SOX5: variants seen among roughly 807,000 people sequenced by gnomAD.
SOX5 encodes the protein transcription factor SOX-5.
Under a neutral mutation model 92.0 loss-of-function variants are expected in SOX5, and 9 were observed. The ratio of observed to expected loss-of-function variants is 0.10; its 90% CI spans 0.06 to 0.17. SOX5 has a LOEUF of 0.17. Among genes scored for constraint, SOX5 ranks in the 10% least tolerant of loss-of-function variants. The pLI is 1.00. For missense variants in SOX5, 642 were observed against 944.5 expected (o/e 0.68, Z 4.20); for synonymous variants, 344 against 336.3 (o/e 1.02, Z -0.25).
At chr12:24,181,421 A>G (rs1413060303) in intron 4 of SOX5, among the ~76,000 whole-genome samples, 1 of 152,196 alleles carries the variant, frequency 6.6e-6, no homozygotes, top group Admixed American at 6.5e-5. Context: ...TGAATGACTG[A>G]ATGGTAAAAC....
At chr12:24,277,758 T>C (rs1447458659) in intron 2 of SOX5, among the ~76,000 whole-genome samples, 1 of 151,978 alleles carries the variant, frequency 6.6e-6, no homozygotes, top group East Asian at 1.9e-4. Flanking sequence ...TAAGGTAGAT[T>C]CTTGCTGCTC....
intron 4 of SOX5, among the ~76,000 whole-genome samples, chr12:24,159,142 G>A (rs1952498046): frequency 6.6e-6 from 1 of 151,520 alleles, no homozygotes; most frequent in Non-Finnish European, 1.5e-5. Flanking sequence ...CTAATTCCCT[G>A]ACTTCTTGAC....
At chr12:23,754,055 A>C (rs989520488) in intron 4 of SOX5, among the ~76,000 whole-genome samples, 1 of 151,848 alleles carries the variant, frequency 6.6e-6, no homozygotes, top group African/African-American at 2.4e-5. Context: ...GAAGCTTAAA[A>C]AACTCAAAAT....
chr12:24,218,536 A>C (rs1264383921), intron 3 of SOX5, among the ~76,000 whole-genome samples: 1 of 152,142 alleles, frequency 6.6e-6, no homozygotes, highest in Non-Finnish European at 1.5e-5. Context: ...GTCAGATGGA[A>C]ATATTTTAAA....
At chr12:23,904,251 T>C (rs2097267118) in intron 1 of SOX5, among the ~76,000 whole-genome samples, 1 of 152,138 alleles carries the variant, frequency 6.6e-6, no homozygotes, top group Non-Finnish European at 1.5e-5. Context: ...TCTTCTCTTT[T>C]CTCTAAATCC....
intron 8 of SOX5, among the ~76,000 whole-genome samples, chr12:23,612,621 A>C (rs1226613819): frequency 6.6e-6 from 1 of 152,164 alleles, no homozygotes; most frequent in Non-Finnish European, 1.5e-5. Flanking sequence ...ACATATATGC[A>C]ATGTGTTAAA....
At chr12:23,569,083 T>TG (rs1947676529) in intron 10 of SOX5, among the ~76,000 whole-genome samples, 1 of 151,988 alleles carries the variant, frequency 6.6e-6, no homozygotes, top group Non-Finnish European at 1.5e-5. Context: ...CCCAGCTACT[T>TG]GGGGGGCTGA....
intron 3 of SOX5, among the ~76,000 whole-genome samples, chr12:23,771,472 G>C (rs1387139480): frequency 1.3e-5 from 2 of 152,200 alleles, no homozygotes; most frequent in Non-Finnish European, 2.9e-5. Flanking sequence ...ACAGGTCTCA[G>C]TGTTCCTGGC....
intron 4 of SOX5, among the ~76,000 whole-genome samples, chr12:24,164,321 G>A (rs961967582): frequency 2.6e-5 from 4 of 151,988 alleles, no homozygotes; most frequent in African/African-American, 7.2e-5. Flanking sequence ...ATATTGTCAT[G>A]TCTAAACATT....
intron 1 of SOX5, among the ~76,000 whole-genome samples, chr12:24,379,730 C>T (rs868446726): frequency 6.6e-6 from 1 of 152,066 alleles, no homozygotes; most frequent in African/African-American, 2.4e-5. Flanking sequence ...AACTACATTC[C>T]TGTCCTTTCC....
intron 1 of SOX5, among the ~76,000 whole-genome samples, chr12:24,515,603 A>G (rs554809390): frequency 2.1e-4 from 32 of 152,310 alleles, no homozygotes; most frequent in African/African-American, 7.5e-4. Context: ...GAAACCAAAA[A>G]TTGTTCTTAT....
intron 1 of SOX5, among the ~76,000 whole-genome samples, chr12:24,409,036 T>C (rs1359775322): frequency 6.6e-6 from 1 of 152,232 alleles, no homozygotes; most frequent in Non-Finnish European, 1.5e-5. Flanking sequence ...AAATGTTTGT[T>C]GCAGCACTAT....
At chr12:23,776,328 T>C (rs1156847032) in intron 3 of SOX5, among the ~76,000 whole-genome samples, 2 of 152,184 alleles carry the variant, frequency 1.3e-5, no homozygotes, top group Non-Finnish European at 1.5e-5. Context: ...TATGACACAG[T>C]TAAAAAGGAC....
At chr12:24,481,482 T>G (rs1566272695) in intron 1 of SOX5, among the ~76,000 whole-genome samples, 1 of 152,342 alleles carries the variant, frequency 6.6e-6, no homozygotes, top group African/African-American at 2.4e-5. Flanking sequence ...CCATTTTCCA[T>G]GATGTGATTA....
chr12:24,480,952 A>C (rs1383731154), intron 1 of SOX5, among the ~76,000 whole-genome samples: 2 of 152,104 alleles, frequency 1.3e-5, no homozygotes, highest in African/African-American at 4.8e-5. Flanking sequence ...AGATATCTAC[A>C]CCCCCGTGTT....
chr12:24,471,150 A>T (rs540079710), intron 1 of SOX5, among the ~76,000 whole-genome samples: 1 of 152,252 alleles, frequency 6.6e-6, no homozygotes, highest in East Asian at 1.9e-4. Context: ...TAATTCATAA[A>T]GTTTCTACAC....
chr12:23,700,026 T>A (rs1049703373), intron 6 of SOX5, among the ~76,000 whole-genome samples: 1 of 152,018 alleles, frequency 6.6e-6, no homozygotes, highest in Non-Finnish European at 1.5e-5. Context: ...TGAGAAAAAA[T>A]TTTAAGAGTC....
In SOX5 at chr12:23,536,447, A is replaced by G. The variant is rs1940490327; in HGVS notation, c.1988+6T>C. ...CCCATGAGAAAAATGACTAAAAGGT[A>G]CATACCCAACATTGAAGTACTGCCG... On this transcript the variant is annotated splice_donor_region_variant and intron_variant, in intron 14 of 14. Coordinates refer to ENST00000451604, the MANE Select transcript of SOX5 (RefSeq NM_006940.6). 2 of 1,611,214 alleles carry G rather than the reference A, an allele frequency of 1.2e-6. No individual in the cohort carries two copies. The highest frequency in any genetic ancestry group is 1.7e-5 in the Admixed American group (1 of 60,002).
intron 1 of SOX5, among the ~76,000 whole-genome samples, chr12:24,467,704 G>A (rs1305705827): frequency 6.6e-6 from 1 of 152,096 alleles, no homozygotes; most frequent in Non-Finnish European, 1.5e-5. Flanking sequence ...ATTTTAATTG[G>A]AAGAGATATA....
Sources: allele counts gnomAD v4.1 joint callset (sites outside exome capture counted in the v4.1 genomes callset), GRCh38; gene constraint gnomAD v4.1.1; transcripts MANE v1.5; gene names NCBI Gene and HGNC (gene_info 2026-07-23, HGNC 2026-07-21).